Variants in DLC1 observed in about 807,000 individuals in gnomAD.
The protein encoded by DLC1 is DLC1 Rho GTPase activating protein, also known as rho GTPase-activating protein 7.
A neutral mutation model predicts 140.3 loss-of-function variants in DLC1; 54 were observed. The observed-to-expected ratio is 0.38, with a 90% CI of 0.31 to 0.48. The LOEUF is 0.48. Among genes scored for constraint, DLC1 ranks in the 20% least tolerant of loss-of-function variants. The pLI, the probability that DLC1 is intolerant of heterozygous loss-of-function variation, is 0.96. For missense variants in DLC1, 2,536 were observed against 1,907.0 expected (o/e 1.33, Z -6.14); for synonymous variants, 986 against 728.1 (o/e 1.35, Z -5.70).
At chr8:13,549,993 T>C (rs1803790054) in intron 1 of DLC1, among the ~76,000 whole-genome samples, 1 of 152,116 alleles carries the variant, frequency 6.6e-6, no homozygotes, top group Non-Finnish European at 1.5e-5. Flanking sequence ...GGTACTGAAA[T>C]TGAAGAAATC....
At chr8:13,214,802 G>C (rs1828118816) in intron 5 of DLC1, 2 of 778,934 alleles carry the variant, frequency 2.6e-6, no homozygotes, top group Non-Finnish European at 4.8e-6. Context: ...AGGTAAAAAG[G>C]AGAGGAGAAA....
intron 1 of DLC1, among the ~76,000 whole-genome samples, chr8:13,565,095 T>G (rs545353402): frequency 4.6e-4 from 70 of 152,294 alleles, no homozygotes; most frequent in African/African-American, 1.6e-3. Flanking sequence ...GTTGAGAAAT[T>G]TTCTTCCTTA....
At chr8:13,263,476 A>T (rs1563207547) in intron 5 of DLC1, among the ~76,000 whole-genome samples, 1 of 152,146 alleles carries the variant, frequency 6.6e-6, no homozygotes, top group East Asian at 1.9e-4. Context: ...ATTACTTATT[A>T]CTTACTTGTG....
At chr8:13,216,368 G>A (rs946550883) in intron 5 of DLC1, among the ~76,000 whole-genome samples, 2 of 152,138 alleles carry the variant, frequency 1.3e-5, no homozygotes, top group South Asian at 4.1e-4. Context: ...CCAGGTAGAA[G>A]GATCAGGTTT....
At chr8:13,551,771 T>C (rs987315261) in intron 1 of DLC1, among the ~76,000 whole-genome samples, 3 of 150,958 alleles carry the variant, frequency 2.0e-5, no homozygotes, top group Non-Finnish European at 4.4e-5. Context: ...AACATATGTA[T>C]CTATCAAACA....
At chr8:13,552,253 GT>G (rs1803893494) in intron 1 of DLC1, among the ~76,000 whole-genome samples, 1 of 146,090 alleles carries the variant, frequency 6.8e-6, no homozygotes, top group African/African-American at 2.5e-5. Flanking sequence ...CCCCATACCT[GT>G]CTACATATAT....
intron 5 of DLC1, chr8:13,214,424 C>G: frequency 2.0e-6 from 1 of 492,666 alleles, no homozygotes; most frequent in East Asian, 3.2e-5. Flanking sequence ...TCTGAAGGAC[C>G]TTGCAGCTTT....
At chr8:13,503,999 A>T (rs1421735457) in intron 1 of DLC1, among the ~76,000 whole-genome samples, 1 of 152,130 alleles carries the variant, frequency 6.6e-6, no homozygotes, top group Admixed American at 6.5e-5. Context: ...GATTTCTACT[A>T]TTCTAGAATT....
intron 4 of DLC1, among the ~76,000 whole-genome samples, chr8:13,368,613 T>C (rs1021929070): frequency 4.6e-5 from 7 of 152,070 alleles, no homozygotes; most frequent in East Asian, 3.9e-4. Context: ...GCCACAGTTA[T>C]TTGTACCAAG....
intron 5 of DLC1, among the ~76,000 whole-genome samples, chr8:13,167,405 C>A (rs1825178354): frequency 6.6e-6 from 1 of 152,160 alleles, no homozygotes; most frequent in Non-Finnish European, 1.5e-5. Flanking sequence ...TGTGTGTGAT[C>A]TGGACCATGC....
chr8:13,446,296 G>C (rs1015074327), intron 2 of DLC1, among the ~76,000 whole-genome samples: 3 of 152,138 alleles, frequency 2.0e-5, no homozygotes, highest in African/African-American at 7.2e-5. Context: ...AATTTACCTC[G>C]TGTAATATAC....
At chr8:13,550,333 T>C (rs1803803072) in intron 1 of DLC1, among the ~76,000 whole-genome samples, 2 of 152,110 alleles carry the variant, frequency 1.3e-5, no homozygotes, top group Admixed American at 6.6e-5. Flanking sequence ...TTGTCTTCTG[T>C]CATAATTGTA....
rs59745014 is a variant in DLC1, at chr8:13,292,340, G to A, written c.1348+12929C>T. Among the ~76,000 whole-genome samples, 800 of 152,308 alleles carry A rather than the reference G, an allele frequency of 5.3e-3. 11 individuals are homozygous for A. The highest frequency in any genetic ancestry group is 0.018 in the African/African-American group (756 of 41,574). On this transcript the variant is annotated intron_variant, in intron 5 of 17. Transcript: ENST00000276297. ...TTCTATTGTCATGGACCATCTGGGA[G>A]AACGGCTCCTGATTAGCTGTGGAAC...
Position 13,199,177 on chromosome 8 carries a change from CTTT to C in DLC1, c.1349-83523_1349-83521del, listed in dbSNP as rs71207132. The stretch of plus-strand genomic sequence containing the variant: ...CTAGTAAATGTCTCCTTCTCTTTTT[CTTT>C]TTTTTTTTTTTTTTTTTTTTTTGAG... On this transcript the variant is annotated intron_variant, in intron 5 of 17. Coordinates refer to ENST00000276297, the MANE Select transcript of DLC1 (RefSeq NM_182643.3). Among the ~76,000 whole-genome samples, 843 of 93,256 alleles carry C rather than the reference CTTT, an allele frequency of 9.0e-3. 12 individuals carry two copies. The highest frequency in any genetic ancestry group is 0.029 in the African/African-American group (691 of 23,574). 61.2% of individuals were successfully genotyped at this position (93,256 alleles called of 152,430 possible). A position where few individuals can be genotyped will look rare whatever the true frequency, so the allele number is the denominator to read the frequency against.
chr8:13,315,054 G>C (rs962166820), intron 4 of DLC1, among the ~76,000 whole-genome samples: 2 of 152,164 alleles, frequency 1.3e-5, no homozygotes, highest in East Asian at 3.9e-4. Context: ...AGGCCTGAGG[G>C]TGTGCAGAAA....
chr8:13,207,510 T>A (rs1209266322), intron 5 of DLC1, among the ~76,000 whole-genome samples: 1 of 152,202 alleles, frequency 6.6e-6, no homozygotes, highest in African/African-American at 2.4e-5. Flanking sequence ...TGTCATATTT[T>A]TTATCCTAAA....
intron 2 of DLC1, among the ~76,000 whole-genome samples, chr8:13,479,409 T>C (rs1400697677): frequency 6.6e-6 from 1 of 152,102 alleles, no homozygotes; most frequent in Admixed American, 6.5e-5. Context: ...GAGACATAGA[T>C]ACAAGTTATT....
intron 1 of DLC1, among the ~76,000 whole-genome samples, chr8:13,535,208 G>A (rs1291384229): frequency 6.6e-6 from 1 of 152,026 alleles, no homozygotes; most frequent in African/African-American, 2.4e-5. Context: ...AATAAGTCGG[G>A]ACAAGGGTCT....
chr8:13,217,584 C>T (rs1417818295), intron 5 of DLC1, among the ~76,000 whole-genome samples: 2 of 152,040 alleles, frequency 1.3e-5, no homozygotes, highest in Non-Finnish European at 2.9e-5. Flanking sequence ...CCTGAAATCC[C>T]AGCACTTTGG....
Sources: allele counts gnomAD v4.1 joint callset (sites outside exome capture counted in the v4.1 genomes callset), GRCh38; gene constraint gnomAD v4.1.1; transcripts MANE v1.5; gene names NCBI Gene and HGNC (gene_info 2026-07-23, HGNC 2026-07-21).